The following UIMC1 variants were observed in gnomAD, a reference collection of about 807,000 sequenced individuals.
The protein encoded by UIMC1 is BRCA1-A complex subunit RAP80.
Under a neutral mutation model 84.9 loss-of-function variants are expected in UIMC1, and 42 were observed. The observed-to-expected ratio is 0.49, with a 90% CI of 0.39 to 0.64. UIMC1 has a LOEUF of 0.64. UIMC1 is among the 30% of genes least tolerant of loss of function. The probability of loss-of-function intolerance (pLI) is 0.00; values close to 1 mark genes in which losing one functional copy is unlikely to be tolerated. For missense variants in UIMC1, 825 were observed against 847.6 expected, an observed-to-expected ratio of 0.97 and a Z score of 0.33; for synonymous variants, 281 against 293.0, an observed-to-expected ratio of 0.96 and a Z score of 0.42.
chr5:176,930,438 C>A (rs141939229), intron 10 of UIMC1, among the ~76,000 whole-genome samples: 3 of 152,110 alleles, frequency 2.0e-5, no homozygotes, highest in Non-Finnish European at 2.9e-5. Flanking sequence ...TTTCTAGGTA[C>A]GTGATCTTGG....
intron 10 of UIMC1, among the ~76,000 whole-genome samples, chr5:176,914,069 T>TACCATACCATACCACACCACACCAC (rs1343483368): frequency 5.5e-5 from 8 of 144,418 alleles, no homozygotes; most frequent in African/African-American, 2.3e-4. Flanking sequence ...TACCATACCA[T>TACCATACCATACCACACCACACCAC]ACCACACCAC....
intron 9 of UIMC1, among the ~76,000 whole-genome samples, chr5:176,946,606 G>A (rs1765142921): frequency 1.3e-5 from 2 of 152,138 alleles, no homozygotes; most frequent in Admixed American, 6.5e-5. Context: ...AGGCCAAGCC[G>A]AATGGATCAC....
intron 1 of UIMC1, among the ~76,000 whole-genome samples, chr5:177,019,447 G>A (rs1353491833): frequency 2.6e-5 from 4 of 151,384 alleles, no homozygotes; most frequent in Non-Finnish European, 5.9e-5. Context: ...ACCAGCCTGG[G>A]CAATATAGGG....
At chr5:176,906,473 G>A (rs1240209567) in intron 13 of UIMC1, among the ~76,000 whole-genome samples, 1 of 152,304 alleles carries the variant, frequency 6.6e-6, no homozygotes, top group Non-Finnish European at 1.5e-5. Flanking sequence ...CATCTCACCA[G>A]GCTTAAGCAA....
intron 1 of UIMC1, among the ~76,000 whole-genome samples, chr5:176,995,531 T>C: frequency 9.4e-6 from 1 of 105,996 alleles, no homozygotes; most frequent in African/African-American, 4.1e-5. Flanking sequence ...AGAAAGACTC[T>C]GTCTCCAAAA....
intron 13 of UIMC1, 192 bp from the exon 14 acceptor site, chr5:176,906,239 A>T: frequency 1.8e-6 from 1 of 560,826 alleles, no homozygotes. Context: ...AGGGGCACTC[A>T]GATGAACACT....
At chr5:177,016,074 A>G (rs1775661804) in intron 1 of UIMC1, among the ~76,000 whole-genome samples, 1 of 151,950 alleles carries the variant, frequency 6.6e-6, no homozygotes. Flanking sequence ...CTCAAAAAAG[A>G]AAAAAAGAGG....
At chr5:176,967,960 A>G (rs941127986) in intron 6 of UIMC1, among the ~76,000 whole-genome samples, 12 of 152,066 alleles carry the variant, frequency 7.9e-5, no homozygotes, top group Non-Finnish European at 1.3e-4. Flanking sequence ...CTATGGTAGA[A>G]TAAGTCATCT....
chr5:176,921,119 G>T (rs1349380937), intron 10 of UIMC1, among the ~76,000 whole-genome samples: 1 of 152,012 alleles, frequency 6.6e-6, no homozygotes, highest in African/African-American at 2.4e-5. Flanking sequence ...CTTTTTTGAT[G>T]AGAAAAAAGT....
intron 6 of UIMC1, among the ~76,000 whole-genome samples, chr5:176,959,001 T>C (rs1581533919): frequency 6.6e-6 from 1 of 152,210 alleles, no homozygotes; most frequent in Non-Finnish European, 1.5e-5. Context: ...AAGATATGAA[T>C]AACCTAAACA....
chr5:176,984,817 T>C (rs181446365), intron 1 of UIMC1, among the ~76,000 whole-genome samples: 321 of 152,352 alleles, frequency 2.1e-3, no homozygotes, highest in African/African-American at 7.6e-3. Context: ...CTCTGAAACA[T>C]GTGCTGTGTC....
In UIMC1 at chr5:177,001,744, CCTGG is replaced by C. The variant is rs536545300; in HGVS notation, c.-9+4902_-9+4905del. On this transcript the variant is annotated intron_variant, in intron 1 of 14. Coordinates refer to ENST00000511320, the MANE Select transcript of UIMC1 (RefSeq NM_001199298.2). The stretch of plus-strand genomic sequence containing the variant: ...CACAAGGTCAGGAGATCGAGACCAT[CCTGG>C]CTAACACAGTGAAAACCCGGCTCTA... Among the ~76,000 whole-genome samples the C allele has an allele frequency of 5.0e-3, 755 of 150,754 alleles. 7 individuals carry two copies. Among genetic ancestry groups the C allele is most frequent in the Middle Eastern group, 0.021 (6 of 292 alleles).
chr5:176,915,746 G>A (rs1433828698), intron 10 of UIMC1, among the ~76,000 whole-genome samples: 4 of 135,176 alleles, frequency 3.0e-5, no homozygotes, highest in South Asian at 4.6e-4. Context: ...GAGCCACTGC[G>A]CCTGACTGTA....
At position 176,984,303 on chromosome 5, in the gene UIMC1, G is replaced by A. The variant is rs1451097990; in HGVS notation, c.-8-1680C>T. 1.0e-4 allele frequency among the ~76,000 whole-genome samples: 10 copies of A among 97,420 alleles called. 1 individual carries two copies. The highest frequency in any genetic ancestry group is 2.0e-4 in the Admixed American group (2 of 9,970). The allele number at this position is 97,420 out of a possible 152,430, so 63.9% of individuals were successfully genotyped here. ...GAGCGCCTCTGCCGGCCGCCACCCCGTCTGGGAAATGGGGAGTGCCTCTGC... is the reference window on the plus strand; with the variant it reads ...GAGCGCCTCTGCCGGCCGCCACCCCATCTGGGAAATGGGGAGTGCCTCTGC... On this transcript the variant is annotated intron_variant, in intron 1 of 14. Transcript: ENST00000511320.
chr5:177,004,679 T>C (rs1775014551), intron 1 of UIMC1, among the ~76,000 whole-genome samples: 1 of 152,160 alleles, frequency 6.6e-6, no homozygotes, highest in South Asian at 2.1e-4. Context: ...AGGTAACATT[T>C]TGGGCAGTGT....
chr5:176,952,459 C>T (rs530098129), intron 8 of UIMC1, among the ~76,000 whole-genome samples: 1 of 152,306 alleles, frequency 6.6e-6, no homozygotes, highest in South Asian at 2.1e-4. Context: ...AGATACAGCT[C>T]ATGGGCCAAA....
chr5:176,968,903 A>G lies in UIMC1; in HGVS notation c.852T>C (p.Pro284=), dbSNP rs1426083731. 6.2e-7 allele frequency: 1 copy of G among 1,613,948 alleles called. No individual in the cohort carries two copies. Among genetic ancestry groups the G allele is most frequent in the African/African-American group, 1.3e-5 (1 of 74,910 alleles). Residue 284 remains proline, a synonymous_variant, in exon 6 of 15, where the codon CCT becomes CCC. Coordinates refer to ENST00000511320, the MANE Select transcript of UIMC1 (RefSeq NM_001199298.2). The part of the protein sequence containing the change: ...VNYFWGIPFC[P]DGVDPNQYTK... ...TATACTGGTTAGGGTCTACTCCATCAGGGCAGAATGGAATACCCCAGAAAT... is the reference window on the plus strand; with the variant it reads ...TATACTGGTTAGGGTCTACTCCATCGGGGCAGAATGGAATACCCCAGAAAT...
At chr5:176,956,161 A>C in intron 7 of UIMC1, 126 bp from the exon 8 acceptor site, 1 of 753,082 alleles carries the variant, frequency 1.3e-6, no homozygotes, top group South Asian at 1.9e-5. Flanking sequence ...ATACCACAAA[A>C]GCACAATAGG....
intron 1 of UIMC1, among the ~76,000 whole-genome samples, chr5:177,021,350 G>A (rs573016338): frequency 6.6e-6 from 1 of 152,224 alleles, no homozygotes; most frequent in East Asian, 1.9e-4. Context: ...CCTTCTAGTC[G>A]GGAGACAGAC....
Sources: gnomAD v4.1 joint callset for allele counts (sites outside exome capture counted in the v4.1 genomes callset) on GRCh38, gnomAD v4.1.1 for gene constraint, MANE v1.5 for transcripts, NCBI Gene and HGNC (gene_info 2026-07-23, HGNC 2026-07-21) for gene names.